SCN2A: variants seen among roughly 807,000 people sequenced by gnomAD.
SCN2A encodes sodium voltage-gated channel alpha subunit 2.
A neutral mutation model predicts 188.7 loss-of-function variants in SCN2A; 20 were observed. The ratio of observed to expected loss-of-function variants is 0.11; its 90% CI spans 0.07 to 0.15. The LOEUF is 0.15. Among genes scored for constraint, SCN2A ranks in the 10% least tolerant of loss-of-function variants. The pLI, the probability that SCN2A is intolerant of heterozygous loss-of-function variation, is 1.00. For missense variants in SCN2A, 1,278 were observed against 2,445.0 expected (o/e 0.52, Z 10.07); for synonymous variants, 804 against 833.1 (o/e 0.97, Z 0.60).
intron 2 of SCN2A, 133 bp downstream of exon 2, chr2:165,296,223 C>G: frequency 1.2e-6 from 1 of 850,916 alleles, no homozygotes; most frequent in Non-Finnish European, 2.0e-6. Flanking sequence ...ATGGGCCTGA[C>G]CGTGTAATGG....
intron 15 of SCN2A, 76 bp from the exon 16 acceptor site, chr2:165,344,479 A>T (rs768206894): frequency 6.5e-6 from 6 of 917,382 alleles, no homozygotes; most frequent in Non-Finnish European, 8.9e-6. Flanking sequence ...AAAAAATAAA[A>T]AAATAAAAAT....
At chr2:165,303,674 T>C (rs973605559) in intron 3 of SCN2A, among the ~76,000 whole-genome samples, 1 of 152,164 alleles carries the variant, frequency 6.6e-6, no homozygotes, top group Admixed American at 6.6e-5. Context: ...TTAACAATGA[T>C]TTAGAAACTT....
At position 165,389,832 on chromosome 2, in the gene SCN2A, C is replaced by G. The variant is rs1702060544; in HGVS notation, c.*8C>G. On this transcript the variant is annotated 3_prime_UTR_variant, in exon 27 of 27. Transcript: ENST00000375437. This position sits in a 1 kb window ranked among gnomAD's most constrained non-coding sequence, Gnocchi z 4.2. ...AGGGAAAGTAAAAAGTAAAAAGAAA[C>G]CAAGAATTTTCCATTTTGTGATCAA... is the stretch of plus-strand genomic sequence containing the variant. The G allele has an allele frequency of 1.9e-6, 3 of 1,595,394 alleles. No homozygotes were observed. The Admixed American group carries it at 5.2e-5, about 28-fold the overall frequency.
intron 9 of SCN2A, 51 bp from the exon 10 acceptor site, chr2:165,313,850 AG>A: frequency 6.2e-7 from 1 of 1,611,560 alleles, no homozygotes; most frequent in Non-Finnish European, 8.5e-7. Flanking sequence ...TTAGAGTGTA[AG>A]TTTGTAACAT....
At chr2:165,301,376 C>T (rs1696799481) in intron 3 of SCN2A, among the ~76,000 whole-genome samples, 1 of 151,938 alleles carries the variant, frequency 6.6e-6, no homozygotes, top group Admixed American at 6.6e-5. Context: ...GAGCTGAGAC[C>T]CTCCCTCCAA....
rs761560979 is a variant in SCN2A at position 165,386,811 on chromosome 2, C to A, written c.4617C>A (p.Ile1539=). The stretch of plus-strand genomic sequence containing the variant: ...AAGTCTTTGATATCAGCATCATGAT[C>A]CTCATCTGCCTTAACATGGTCACCA... The part of the protein sequence containing the change: ...TKQVFDISIM[I]LICLNMVTMM... Residue 1539 remains isoleucine, a synonymous_variant, in exon 26 of 27, where the codon ATC becomes ATA. Coordinates refer to ENST00000375437, the MANE Select transcript of SCN2A (RefSeq NM_001040142.2). 8 of 1,613,768 alleles carry A rather than the reference C, an allele frequency of 5.0e-6. No individual in the cohort carries two copies. Among genetic ancestry groups the A allele is most frequent in the Non-Finnish European group, 6.8e-6 (8 of 1,179,832 alleles).
intron 14 of SCN2A, among the ~76,000 whole-genome samples, chr2:165,332,751 T>C (rs1417257359): frequency 6.6e-6 from 1 of 151,988 alleles, no homozygotes; most frequent in Non-Finnish European, 1.5e-5. Context: ...TTGGAGGTAA[T>C]ATATTGTGAT....
chr2:165,327,123 G>A (rs1698399974), intron 13 of SCN2A, 139 bp downstream of exon 13: 1 of 1,101,238 alleles, frequency 9.1e-7, no homozygotes. Context: ...TAAAATCCGT[G>A]CATAACTCAT....
At chr2:165,277,288 A>G (rs966010042) in intron 1 of SCN2A, among the ~76,000 whole-genome samples, 1 of 152,214 alleles carries the variant, frequency 6.6e-6, no homozygotes, top group African/African-American at 2.4e-5. Flanking sequence ...CAGAATTTGA[A>G]CATTGTTACT....
At chr2:165,357,398 TAAAG>T (rs1383744743) in intron 17 of SCN2A, among the ~76,000 whole-genome samples, 1 of 152,252 alleles carries the variant, frequency 6.6e-6, no homozygotes, top group East Asian at 1.9e-4. Context: ...ATTTTTTAAT[TAAAG>T]AAAAAATGAG....
intron 12 of SCN2A, among the ~76,000 whole-genome samples, chr2:165,324,270 A>G (rs1166403268): frequency 3.9e-5 from 6 of 152,226 alleles, no homozygotes; most frequent in Non-Finnish European, 7.3e-5. Flanking sequence ...TTAGCTATCA[A>G]GACATATTTT....
At chr2:165,298,046 G>A (rs1696601833) in intron 3 of SCN2A, among the ~76,000 whole-genome samples, 1 of 152,162 alleles carries the variant, frequency 6.6e-6, no homozygotes, top group Non-Finnish European at 1.5e-5. Context: ...TGTGGGGCAG[G>A]GGCATTTACA....
chr2:165,291,464 TTC>T (rs1176909532), intron 1 of SCN2A, among the ~76,000 whole-genome samples: 2 of 36,994 alleles, frequency 5.4e-5, no homozygotes, highest in African/African-American at 8.7e-5. Flanking sequence ...CTTTCTTTCT[TTC>T]TTTCTTTCTT....
chr2:165,323,968 G>A (rs979717288), intron 12 of SCN2A, among the ~76,000 whole-genome samples: 2 of 152,124 alleles, frequency 1.3e-5, no homozygotes, highest in African/African-American at 4.8e-5. Flanking sequence ...CTCTTTGCAG[G>A]TCAGAGTGTT....
chr2:165,256,074 C>G lies in SCN2A; in HGVS notation c.-52+16434C>G, dbSNP rs184113174. Among the ~76,000 whole-genome samples, 7 of 140,830 alleles carry G rather than the reference C, an allele frequency of 5.0e-5. No individual in the cohort carries two copies. The East Asian group carries it at 1.5e-3, about 31-fold the overall frequency. 92.4% of individuals were successfully genotyped at this position (140,830 alleles called of 152,430 possible). A position where few individuals can be genotyped will look rare whatever the true frequency, so the allele number is the denominator to read the frequency against. ...AGGCTGGAGTGCAGTGGCGCAGTCT[C>G]GGCTCACTACAACCTCCGCCTCCCG... On this transcript the variant is annotated intron_variant, in intron 1 of 26. Transcript: ENST00000375437.
Position 165,323,452 on chromosome 2 carries a change from G to C in SCN2A, c.1968G>C (p.Leu656=), listed in dbSNP as rs1349894355. 1 of 1,613,888 alleles carries C rather than the reference G, an allele frequency of 6.2e-7. No individual in the cohort carries two copies. Among genetic ancestry groups the C allele is most frequent in the South Asian group, 1.1e-5 (1 of 91,048 alleles). The change falls in exon 12 of 27, where the codon CTG becomes CTC. Residue 656 remains leucine (L), a synonymous_variant. Transcript: ENST00000375437. ...TGGACTGCAATGGTGTGGTCTCCCT[G>C]GTCGGGGGCCCTTCTACCCTCACAT... ...SAVDCNGVVS[L]VGGPSTLTSA...
chr2:165,342,044 A>G (rs556109476), intron 14 of SCN2A, among the ~76,000 whole-genome samples: 8 of 152,314 alleles, frequency 5.3e-5, no homozygotes, highest in African/African-American at 1.9e-4. Context: ...AGTCAGTTGC[A>G]CCTTTCATAT....
At chr2:165,336,171 C>G (rs1698980303) in intron 14 of SCN2A, among the ~76,000 whole-genome samples, 1 of 151,850 alleles carries the variant, frequency 6.6e-6, no homozygotes, top group Non-Finnish European at 1.5e-5. Flanking sequence ...GATGCAGTCA[C>G]TTTGGATAAT....
At chr2:165,360,185 A>G (rs572283888) in intron 17 of SCN2A, among the ~76,000 whole-genome samples, 1 of 151,980 alleles carries the variant, frequency 6.6e-6, no homozygotes, top group Non-Finnish European at 1.5e-5. Context: ...TCTTAGCTTC[A>G]TAATGAGAAG....
Sources: allele counts gnomAD v4.1 joint callset (sites outside exome capture counted in the v4.1 genomes callset), GRCh38; gene constraint gnomAD v4.1.1; non-coding constraint Gnocchi (gnomAD v3.1); transcripts MANE v1.5; gene names NCBI Gene and HGNC (gene_info 2026-07-23, HGNC 2026-07-21).